PTPRK: variants seen among roughly 807,000 people sequenced by gnomAD.
PTPRK encodes receptor-type tyrosine-protein phosphatase kappa.
A neutral mutation model predicts 178.0 loss-of-function variants in PTPRK; 75 were observed. The ratio of observed to expected loss-of-function variants is 0.42; its 90% confidence interval spans 0.35 to 0.51. PTPRK has a LOEUF of 0.51. Ranked by LOEUF, PTPRK falls within the 20% of genes least tolerant of loss-of-function variation. The pLI, the probability that PTPRK is intolerant of heterozygous loss-of-function variation, is 0.02. For missense variants in PTPRK, 1,441 were observed against 1,797.8 expected, an observed-to-expected ratio of 0.80 and a Z score of 3.59; for synonymous variants, 637 against 620.6, an observed-to-expected ratio of 1.03 and a Z score of -0.39.
chr6:128,039,148 G>C (rs1268778698), intron 13 of PTPRK, among the ~76,000 whole-genome samples: 2 of 152,024 alleles, frequency 1.3e-5, no homozygotes, highest in East Asian at 3.9e-4. Context: ...TCTTAACCAA[G>C]GATGTTAATT....
intron 2 of PTPRK, among the ~76,000 whole-genome samples, chr6:128,368,426 A>T (rs1036052935): frequency 4.6e-5 from 7 of 151,376 alleles, no homozygotes; most frequent in Non-Finnish European, 5.9e-5. Context: ...CAAATCTGTG[A>T]CGAGGCCAAT....
At chr6:128,006,151 AAAAATAAAAT>A (rs971422673) in intron 14 of PTPRK, 8 of 790,490 alleles carry the variant, frequency 1.0e-5, no homozygotes, top group Admixed American at 6.8e-5. Flanking sequence ...ATGTGCGTTA[AAAAATAAAAT>A]AAAATAAAAT....
chr6:128,295,849 T>C (rs541061351), intron 3 of PTPRK, among the ~76,000 whole-genome samples: 8 of 152,266 alleles, frequency 5.3e-5, no homozygotes, highest in South Asian at 2.1e-4. Flanking sequence ...TAAAGTCACA[T>C]AGCACTTCTA....
At chr6:128,486,156 T>G (rs1055925462) in intron 1 of PTPRK, among the ~76,000 whole-genome samples, 4 of 152,152 alleles carry the variant, frequency 2.6e-5, no homozygotes, top group Non-Finnish European at 5.9e-5. Context: ...ATCTTTGTTT[T>G]TTTAAAAAAA....
intron 7 of PTPRK, among the ~76,000 whole-genome samples, chr6:128,125,044 G>A (rs1035399743): frequency 1.3e-5 from 2 of 152,166 alleles, no homozygotes; most frequent in Non-Finnish European, 2.9e-5. Context: ...TTCATGAGCT[G>A]CTTTCTATAA....
At chr6:128,415,312 T>C (rs1158921798) in intron 1 of PTPRK, among the ~76,000 whole-genome samples, 1 of 152,164 alleles carries the variant, frequency 6.6e-6, no homozygotes, top group Non-Finnish European at 1.5e-5. Context: ...GTTTTTAATC[T>C]TGAGAAAAAT....
At chr6:128,202,797 G>T (rs997130943) in intron 6 of PTPRK, among the ~76,000 whole-genome samples, 1 of 152,100 alleles carries the variant, frequency 6.6e-6, no homozygotes, top group African/African-American at 2.4e-5. Context: ...AGGATCAGAT[G>T]GATTGACAGC....
intron 2 of PTPRK, among the ~76,000 whole-genome samples, chr6:128,344,666 C>T (rs544269021): frequency 2.0e-5 from 3 of 152,030 alleles, no homozygotes; most frequent in Non-Finnish European, 4.4e-5. Flanking sequence ...TAGGCACACA[C>T]CATCAAACTG....
chr6:128,324,420 C>T (rs965188047), intron 2 of PTPRK, among the ~76,000 whole-genome samples: 1 of 152,000 alleles, frequency 6.6e-6, no homozygotes, highest in Non-Finnish European at 1.5e-5. Flanking sequence ...AATTTTCAGT[C>T]AGTTGTACCC....
intron 1 of PTPRK, among the ~76,000 whole-genome samples, chr6:128,495,964 T>C (rs190213631): frequency 3.7e-4 from 56 of 152,348 alleles, no homozygotes; most frequent in African/African-American, 1.2e-3. Context: ...GCTTTCCTAA[T>C]GTCAAAATTC....
intron 5 of PTPRK, among the ~76,000 whole-genome samples, chr6:128,231,360 C>A (rs2128279109): frequency 6.6e-6 from 1 of 152,292 alleles, no homozygotes; most frequent in African/African-American, 2.4e-5. Context: ...GTATACATGG[C>A]AAAATCACTA....
intron 8 of PTPRK, among the ~76,000 whole-genome samples, chr6:128,086,801 T>C (rs1208113224): frequency 6.6e-6 from 1 of 152,060 alleles, no homozygotes; most frequent in Admixed American, 6.6e-5. Flanking sequence ...TCATTAAATA[T>C]TATATATTAA....
At chr6:128,469,796 T>A (rs1435506065) in intron 1 of PTPRK, among the ~76,000 whole-genome samples, 1 of 152,008 alleles carries the variant, frequency 6.6e-6, no homozygotes, top group Non-Finnish European at 1.5e-5. Flanking sequence ...TCTTTAAATG[T>A]GGAAGAGGGA....
At chr6:128,377,267 CA>C (rs1191174620) in intron 2 of PTPRK, among the ~76,000 whole-genome samples, 1 of 152,134 alleles carries the variant, frequency 6.6e-6, no homozygotes, top group Non-Finnish European at 1.5e-5. Flanking sequence ...GGAGGCCTCA[CA>C]ATCATGGTGG....
chr6:128,493,345 G>A (rs971457240), intron 1 of PTPRK, among the ~76,000 whole-genome samples: 6 of 152,088 alleles, frequency 3.9e-5, no homozygotes, highest in African/African-American at 7.2e-5. Context: ...GGCTGATCAC[G>A]AGGTCAGGAG....
chr6:128,480,046 A>T (rs551783503), intron 1 of PTPRK, among the ~76,000 whole-genome samples: 1 of 152,006 alleles, frequency 6.6e-6, no homozygotes, highest in Non-Finnish European at 1.5e-5. Flanking sequence ...ACTTCCAGAC[A>T]TGTTGGCTCT....
intron 5 of PTPRK, chr6:128,238,185 C>CAAAAAAAAAAAAAAAAAAAAAAAAAAA: frequency 4.9e-6 from 1 of 203,780 alleles, no homozygotes; most frequent in Non-Finnish European, 9.2e-6. Context: ...TAGCAAACGC[C>CAAAAAAAAAAAAAAAAAAAAAAAAAAA]AAAAAAAAAA....
In PTPRK at chr6:127,998,146, T is replaced by A. The variant is rs543902297; in HGVS notation, c.2679+574A>T. 9.9e-5 allele frequency among the ~76,000 whole-genome samples: 15 copies of A among 152,230 alleles called. No individual in the cohort carries two copies. In the South Asian group the frequency reaches 3.1e-3, roughly 32 times the overall value. On this transcript the variant is annotated intron_variant, in intron 16 of 29. Coordinates refer to ENST00000368226, the MANE Select transcript of PTPRK (RefSeq NM_002844.4). The stretch of plus-strand genomic sequence containing the variant: ...GTTTGAGTAGGAAGGGGAAATAAGG[T>A]TGGAAGAAGAATTTCCCACTGCCTT...
chr6:128,498,465 T>C (rs1855058956), intron 1 of PTPRK, among the ~76,000 whole-genome samples: 2 of 152,180 alleles, frequency 1.3e-5, no homozygotes, highest in South Asian at 2.1e-4. Flanking sequence ...TCTACTTTAT[T>C]TGCATCCCAA....
Sources: allele counts gnomAD v4.1 joint callset (sites outside exome capture counted in the v4.1 genomes callset), GRCh38; gene constraint gnomAD v4.1.1; transcripts MANE v1.5; gene names NCBI Gene and HGNC (gene_info 2026-07-23, HGNC 2026-07-21).